Variants in FRMD4B observed in about 807,000 individuals in gnomAD.
The protein encoded by FRMD4B is FERM domain-containing protein 4B.
In FRMD4B, 74 loss-of-function variants were observed where a neutral mutation model predicts 141.5. The observed-to-expected ratio is 0.52, with a 90% CI of 0.43 to 0.63. FRMD4B has a LOEUF of 0.63. Among genes scored for constraint, FRMD4B ranks in the 30% least tolerant of loss-of-function variants. The pLI is 0.00. For synonymous variants in FRMD4B, 506 were observed against 467.9 expected (o/e 1.08, Z -1.05); for missense variants, 1,366 against 1,253.4 (o/e 1.09, Z -1.36).
intron 1 of FRMD4B, among the ~76,000 whole-genome samples, chr3:69,488,726 C>A (rs1423809679): frequency 2.6e-5 from 4 of 151,424 alleles, no homozygotes; most frequent in Admixed American, 2.6e-4. Context: ...AGCAGTGAAA[C>A]CCCATCTCCA....
At chr3:69,371,946 C>T (rs948509258) in intron 1 of FRMD4B, among the ~76,000 whole-genome samples, 7 of 152,180 alleles carry the variant, frequency 4.6e-5, no homozygotes, top group Admixed American at 2.0e-4. Flanking sequence ...TGGCTTCCCA[C>T]CACACTTACT....
chr3:69,269,406 G>T (rs1286113333), intron 5 of FRMD4B, among the ~76,000 whole-genome samples: 1 of 150,922 alleles, frequency 6.6e-6, no homozygotes, highest in Non-Finnish European at 1.5e-5. Flanking sequence ...TAGGTGGGGA[G>T]ACTGAAGCTT....
intron 1 of FRMD4B, among the ~76,000 whole-genome samples, chr3:69,452,397 A>G (rs773352337): frequency 5.3e-5 from 8 of 152,250 alleles, no homozygotes; most frequent in Non-Finnish European, 1.2e-4. Flanking sequence ...TTTTCTTGCC[A>G]CTTACCGAGT....
intron 1 of FRMD4B, among the ~76,000 whole-genome samples, chr3:69,473,740 G>A (rs78202567): frequency 0.017 from 2,660 of 152,178 alleles, 39 homozygotes; most frequent in East Asian, 0.07. Context: ...AAACTCTGTC[G>A]TTGCTGAATA....
chr3:69,468,620 C>T (rs1705833522), intron 1 of FRMD4B, among the ~76,000 whole-genome samples: 1 of 152,214 alleles, frequency 6.6e-6, no homozygotes, highest in Non-Finnish European at 1.5e-5. Context: ...GGAGCAGCCA[C>T]AAAAAATTGT....
chr3:69,242,346 G>T (rs1375872450), intron 7 of FRMD4B, among the ~76,000 whole-genome samples: 2 of 151,992 alleles, frequency 1.3e-5, no homozygotes, highest in Non-Finnish European at 2.9e-5. Context: ...AATGAAATTA[G>T]ATTTTAGAGC....
intron 1 of FRMD4B, among the ~76,000 whole-genome samples, chr3:69,457,688 A>T (rs1682222597): frequency 6.6e-6 from 1 of 152,176 alleles, no homozygotes; most frequent in Non-Finnish European, 1.5e-5. Context: ...AGTCCACTGA[A>T]TTGTTTCTGA....
At chr3:69,218,734 C>T (rs1312053263) in intron 9 of FRMD4B, among the ~76,000 whole-genome samples, 4 of 152,140 alleles carry the variant, frequency 2.6e-5, no homozygotes, top group African/African-American at 4.8e-5. Flanking sequence ...TTGGGTCATA[C>T]TCATAAGTTA....
intron 4 of FRMD4B, among the ~76,000 whole-genome samples, chr3:69,297,336 G>A (rs780668141): frequency 1.3e-5 from 2 of 152,114 alleles, no homozygotes; most frequent in Non-Finnish European, 2.9e-5. Context: ...TCCTACTACA[G>A]TAGGAAAGTG....
intron 1 of FRMD4B, chr3:69,535,920 T>C: frequency 2.5e-6 from 1 of 394,844 alleles, no homozygotes; most frequent in South Asian, 2.0e-5. Flanking sequence ...TTTTGAACTC[T>C]TACTCCCAGC....
chr3:69,534,437 C>T (rs1040314156), intron 1 of FRMD4B, among the ~76,000 whole-genome samples: 8 of 152,192 alleles, frequency 5.3e-5, no homozygotes, highest in African/African-American at 1.9e-4. Flanking sequence ...ACCAGGGATA[C>T]ACCTACCCAC....
intron 1 of FRMD4B, among the ~76,000 whole-genome samples, chr3:69,441,899 AT>A (rs1705349142): frequency 6.6e-6 from 1 of 152,164 alleles, no homozygotes; most frequent in African/African-American, 2.4e-5. Flanking sequence ...TTCCAAACAC[AT>A]TTATGTTCTG....
intron 7 of FRMD4B, among the ~76,000 whole-genome samples, chr3:69,247,406 TA>T (rs2093432000): frequency 6.6e-6 from 1 of 152,272 alleles, no homozygotes; most frequent in Admixed American, 6.5e-5. Flanking sequence ...GGTTGTTTTT[TA>T]AAAATCACCC....
chr3:69,272,998 C>T (rs1385025297), intron 5 of FRMD4B, among the ~76,000 whole-genome samples: 2 of 152,160 alleles, frequency 1.3e-5, no homozygotes, highest in East Asian at 1.9e-4. Flanking sequence ...TTCAGAAGCT[C>T]ATTATTGACT....
intron 1 of FRMD4B, among the ~76,000 whole-genome samples, chr3:69,346,163 G>C (rs1350349244): frequency 1.3e-5 from 2 of 152,034 alleles, no homozygotes; most frequent in African/African-American, 2.4e-5. Flanking sequence ...GAAAACCATG[G>C]CACAAGAAAT....
At chr3:69,470,252 T>G (rs1489604390) in intron 1 of FRMD4B, among the ~76,000 whole-genome samples, 1 of 152,226 alleles carries the variant, frequency 6.6e-6, no homozygotes, top group Non-Finnish European at 1.5e-5. Flanking sequence ...AGCTTTTGTT[T>G]TGCCAAAATG....
chr3:69,531,640 C>T (rs935624008), intron 1 of FRMD4B, among the ~76,000 whole-genome samples: 3 of 152,206 alleles, frequency 2.0e-5, no homozygotes, highest in Admixed American at 1.3e-4. Flanking sequence ...AAGCATCTAT[C>T]GAATAGCATG....
intron 9 of FRMD4B, among the ~76,000 whole-genome samples, chr3:69,218,622 C>T (rs761373019): frequency 6.6e-6 from 1 of 152,156 alleles, no homozygotes; most frequent in African/African-American, 2.4e-5. Flanking sequence ...ACTTTCCACA[C>T]ATTCAAATGT....
chr3:69,450,652 G>T (rs112196420), intron 1 of FRMD4B, among the ~76,000 whole-genome samples: 3,265 of 152,294 alleles, frequency 0.021, 48 homozygotes, highest in Middle Eastern at 0.058. Flanking sequence ...TACTCGGGAG[G>T]CTGAGGCAGG....
Sources: allele counts gnomAD v4.1 joint callset (sites outside exome capture counted in the v4.1 genomes callset), GRCh38; gene constraint gnomAD v4.1.1; transcripts MANE v1.5; gene names NCBI Gene and HGNC (gene_info 2026-07-23, HGNC 2026-07-21).